The following PTPRD variants were observed in gnomAD, a reference collection of about 807,000 sequenced individuals.
PTPRD encodes receptor-type tyrosine-protein phosphatase delta.
A neutral mutation model predicts 214.5 loss-of-function variants in PTPRD; 34 were observed. The ratio of observed to expected loss-of-function variants is 0.16; its 90% confidence interval spans 0.12 to 0.21. The LOEUF is 0.21. Among genes scored for constraint, PTPRD ranks in the 10% least tolerant of loss-of-function variants. The pLI is 1.00. For missense variants in PTPRD, 2,545 were observed against 2,398.7 expected (o/e 1.06, Z -1.27); for synonymous variants, 1,128 against 845.7 (o/e 1.33, Z -5.79).
intron 7 of PTPRD, among the ~76,000 whole-genome samples, chr9:9,732,135 C>A (rs1330463236): frequency 6.6e-6 from 1 of 152,010 alleles, no homozygotes; most frequent in Non-Finnish European, 1.5e-5. Context: ...TACGAGCAGA[C>A]ACACTGATCA....
At chr9:9,890,307 C>T (rs1233723940) in intron 5 of PTPRD, among the ~76,000 whole-genome samples, 1 of 151,838 alleles carries the variant, frequency 6.6e-6, no homozygotes, top group Non-Finnish European at 1.5e-5. Context: ...AGCAATCATC[C>T]CACCACAGCC....
At chr9:10,523,966 G>T (rs1365749520) in intron 2 of PTPRD, among the ~76,000 whole-genome samples, 1 of 151,938 alleles carries the variant, frequency 6.6e-6, no homozygotes, top group Non-Finnish European at 1.5e-5. Context: ...TTTTCTCTCA[G>T]TTCTGCAAGC....
In PTPRD at chr9:10,512,005, T is replaced by C. The variant is rs1242206354; in HGVS notation, c.-600+100393A>G. On this transcript the variant is annotated intron_variant, in intron 2 of 45. Transcript: ENST00000381196. The stretch of plus-strand genomic sequence containing the variant: ...ATATATATACGTGTGTGTATATATA[T>C]ATATACGTGTGTGTATATATATATG... Among the ~76,000 whole-genome samples the C allele has an allele frequency of 1.1e-4, 10 of 91,878 alleles. No homozygotes were observed. In the East Asian group the frequency reaches 3.1e-3, roughly 28 times the overall value. 60.3% of individuals were successfully genotyped at this position (91,878 alleles called of 152,430 possible).
chr9:9,260,979 A>G (rs943590386), intron 9 of PTPRD, among the ~76,000 whole-genome samples: 1 of 151,824 alleles, frequency 6.6e-6, no homozygotes, highest in South Asian at 2.1e-4. Context: ...CCTCTTTTTC[A>G]TTGTACATTT....
In PTPRD at chr9:9,827,412, T is replaced by G. The variant is rs552410674; in HGVS notation, c.-367-60561A>C. ...ACAAAAACAAGCAATGGGGAAAGGA[T>G]TCCCTATTTAATAAATGGTGCTGGG... On this transcript the variant is annotated intron_variant, in intron 5 of 45. Transcript: ENST00000381196. Among the ~76,000 whole-genome samples, 1,231 of 152,240 alleles carry G rather than the reference T, an allele frequency of 8.1e-3. 17 individuals are homozygous for G. The highest frequency in any genetic ancestry group is 0.028 in the African/African-American group (1,163 of 41,540).
chr9:9,276,459 T>C (rs77171732), intron 9 of PTPRD, among the ~76,000 whole-genome samples: 2,017 of 151,364 alleles, frequency 0.013, 47 homozygotes, highest in African/African-American at 0.046. Context: ...TTCTCAGAGA[T>C]GGTCTTGGCA....
chr9:10,303,382 C>T (rs2095932333), intron 3 of PTPRD, among the ~76,000 whole-genome samples: 1 of 151,878 alleles, frequency 6.6e-6, no homozygotes. Context: ...AATTCAAAAG[C>T]TAGCAGAAGA....
chr9:10,280,138 G>C (rs771583681), intron 3 of PTPRD, among the ~76,000 whole-genome samples: 6 of 151,630 alleles, frequency 4.0e-5, no homozygotes, highest in Non-Finnish European at 7.4e-5. Flanking sequence ...AGGAGATCTA[G>C]CTTGAAAAGC....
At chr9:9,258,792 G>T (rs7874373) in intron 9 of PTPRD, among the ~76,000 whole-genome samples, 1 of 151,560 alleles carries the variant, frequency 6.6e-6, no homozygotes, top group African/African-American at 2.4e-5. Context: ...CTTTTGCAGG[G>T]GACTGGGGGA....
intron 3 of PTPRD, among the ~76,000 whole-genome samples, chr9:10,053,852 G>A (rs927031119): frequency 6.6e-5 from 10 of 152,144 alleles, no homozygotes; most frequent in African/African-American, 2.2e-4. Context: ...TCCGCCTCAC[G>A]GGTTCAAGAG....
chr9:9,585,830 G>C (rs979366937), intron 7 of PTPRD, among the ~76,000 whole-genome samples: 2 of 152,020 alleles, frequency 1.3e-5, no homozygotes, highest in African/African-American at 2.4e-5. Flanking sequence ...GTAGGTAGGG[G>C]AGCAGGAAAA....
intron 14 of PTPRD, among the ~76,000 whole-genome samples, chr9:8,615,072 T>G (rs1321754237): frequency 2.0e-5 from 3 of 152,150 alleles, no homozygotes; most frequent in Non-Finnish European, 4.4e-5. Flanking sequence ...CCTGCTTTGA[T>G]AATGTTCTGG....
chr9:10,343,209 T>C (rs1217079869), intron 2 of PTPRD, among the ~76,000 whole-genome samples: 3 of 151,916 alleles, frequency 2.0e-5, no homozygotes, highest in Non-Finnish European at 2.9e-5. Context: ...TTCCCACCTA[T>C]GAGTGAGAAC....
intron 3 of PTPRD, among the ~76,000 whole-genome samples, chr9:10,260,153 A>G (rs2093600243): frequency 6.6e-6 from 1 of 152,224 alleles, no homozygotes; most frequent in African/African-American, 2.4e-5. Context: ...TCCCTGTGGT[A>G]TTATGTGTTA....
chr9:8,692,440 C>A (rs2097827397), intron 12 of PTPRD, among the ~76,000 whole-genome samples: 1 of 152,194 alleles, frequency 6.6e-6, no homozygotes, highest in African/African-American at 2.4e-5. Context: ...CTAGAGGTGG[C>A]ACCACTCACT....
chr9:9,494,877 G>A (rs941423157), intron 8 of PTPRD, among the ~76,000 whole-genome samples: 7 of 152,088 alleles, frequency 4.6e-5, no homozygotes, highest in African/African-American at 1.7e-4. Flanking sequence ...AAAGAAAGAA[G>A]AAAACTGTAA....
intron 10 of PTPRD, among the ~76,000 whole-genome samples, chr9:9,093,442 A>T (rs374820895): frequency 9.0e-4 from 137 of 152,090 alleles, no homozygotes; most frequent in African/African-American, 3.3e-3. Flanking sequence ...GCCATAAAAC[A>T]AGTCTTACAA....
Position 9,115,142 on chromosome 9 carries a change from T to C in PTPRD, c.-143+68162A>G, listed in dbSNP as rs371495922. On this transcript the variant is annotated intron_variant, in intron 10 of 45. Transcript: ENST00000381196. ...TTTTTTACTTTGGTAAAGGTATTTCTGGTGGTTATTCTATTTCGCAGATTC... is the reference window on the plus strand; with the variant it reads ...TTTTTTACTTTGGTAAAGGTATTTCCGGTGGTTATTCTATTTCGCAGATTC... Among the ~76,000 whole-genome samples, 8 of 152,282 alleles carry C rather than the reference T, an allele frequency of 5.3e-5. No individual in the cohort carries two copies. In the South Asian group the frequency reaches 1.7e-3, roughly 32 times the overall value.
intron 5 of PTPRD, among the ~76,000 whole-genome samples, chr9:9,888,762 A>G (rs939962144): frequency 1.3e-5 from 2 of 152,112 alleles, no homozygotes; most frequent in Non-Finnish European, 2.9e-5. Context: ...TAAATTGCCC[A>G]GCCTCAAGTG....
Sources: gnomAD v4.1 joint callset for allele counts (sites outside exome capture counted in the v4.1 genomes callset) on GRCh38, gnomAD v4.1.1 for gene constraint, MANE v1.5 for transcripts, NCBI Gene and HGNC (gene_info 2026-07-23, HGNC 2026-07-21) for gene names.